INPP5F: variants seen among roughly 807,000 people sequenced by gnomAD.
INPP5F encodes phosphatidylinositide 4-phosphatase SAC2.
A neutral mutation model predicts 137.2 loss-of-function variants in INPP5F; 97 were observed. That is an observed-to-expected ratio of 0.71 (90% CI 0.60 to 0.84). The LOEUF (loss-of-function observed/expected upper bound fraction) is 0.84. Among genes scored for constraint, INPP5F ranks in the 40% least tolerant of loss-of-function variants. The probability of loss-of-function intolerance (pLI) is 0.00; values close to 1 mark genes in which losing one functional copy is unlikely to be tolerated. For synonymous variants in INPP5F, 504 were observed against 476.9 expected, an observed-to-expected ratio of 1.06 and a Z score of -0.74; for missense variants, 1,271 against 1,371.9, an observed-to-expected ratio of 0.93 and a Z score of 1.16.
At chr10:119,819,313 G>T (rs1283665316) in intron 15 of INPP5F, 6 of 485,536 alleles carry the variant, frequency 1.2e-5, no homozygotes, top group South Asian at 1.7e-4. Flanking sequence ...AATTGGGGGT[G>T]GGGGGAGGGT....
chr10:119,776,552 A>G (rs1849528467), intron 2 of INPP5F, among the ~76,000 whole-genome samples: 1 of 152,108 alleles, frequency 6.6e-6, no homozygotes, highest in Non-Finnish European at 1.5e-5. Flanking sequence ...TTGATAATGT[A>G]CATTGTATTT....
At chr10:119,801,429 T>TAC (rs1443148070) in intron 9 of INPP5F, among the ~76,000 whole-genome samples, 3 of 152,210 alleles carry the variant, frequency 2.0e-5, no homozygotes, top group Non-Finnish European at 4.4e-5. Context: ...TAACAGGAGT[T>TAC]ACCTCCAGGG....
At chr10:119,736,106 T>C (rs1327786579) in intron 1 of INPP5F, among the ~76,000 whole-genome samples, 1 of 152,224 alleles carries the variant, frequency 6.6e-6, no homozygotes, top group Non-Finnish European at 1.5e-5. Context: ...ATCTTGTTTT[T>C]GAAAGTGATA....
chr10:119,751,781 G>A (rs997546993), intron 2 of INPP5F, among the ~76,000 whole-genome samples: 1 of 151,994 alleles, frequency 6.6e-6, no homozygotes, highest in African/African-American at 2.4e-5. Context: ...TTTCTTTTTT[G>A]GTGCCTTACC....
At chr10:119,771,636 T>C (rs1348175038) in intron 2 of INPP5F, among the ~76,000 whole-genome samples, 3 of 151,674 alleles carry the variant, frequency 2.0e-5, no homozygotes, top group Non-Finnish European at 4.4e-5. Context: ...CCTTCCCAAG[T>C]GTATAGACTA....
chr10:119,732,238 C>T (rs1332965726), intron 1 of INPP5F, among the ~76,000 whole-genome samples: 1 of 151,348 alleles, frequency 6.6e-6, no homozygotes, highest in Non-Finnish European at 1.5e-5. Context: ...GGTTTCGCCA[C>T]GTTGGCCACG....
intron 1 of INPP5F, among the ~76,000 whole-genome samples, chr10:119,742,276 T>C (rs1313892898): frequency 6.6e-6 from 1 of 152,138 alleles, no homozygotes; most frequent in Non-Finnish European, 1.5e-5. Context: ...TACTTTAGTT[T>C]CCCGAGTAGC....
intron 15 of INPP5F, chr10:119,819,514 C>T (rs1419271334): frequency 2.5e-6 from 4 of 1,604,112 alleles, no homozygotes; most frequent in South Asian, 1.1e-5. Flanking sequence ...TATGGCTTGG[C>T]TCAAGCAACA....
chr10:119,767,107 GAAAAAAAAAAAAAA>G (rs35875262), intron 2 of INPP5F, among the ~76,000 whole-genome samples: 1 of 40,540 alleles, frequency 2.5e-5, no homozygotes, highest in Admixed American at 4.4e-4. Context: ...TCTGTCTCCA[GAAAAAAAAAAAAAA>G]AAAAAAAAAA....
chr10:119,795,489 G>T (rs1193552126), intron 6 of INPP5F, among the ~76,000 whole-genome samples: 1 of 151,742 alleles, frequency 6.6e-6, no homozygotes, highest in African/African-American at 2.4e-5. Flanking sequence ...GGGCGGCCGG[G>T]CAGAGACGCT....
At chr10:119,770,475 TTGTTTTAATTC>T (rs1470627950) in intron 2 of INPP5F, among the ~76,000 whole-genome samples, 1 of 152,234 alleles carries the variant, frequency 6.6e-6, no homozygotes, top group East Asian at 1.9e-4. Flanking sequence ...TACATTTGTC[TTGTTTTAATTC>T]TAAGTATAAA....
chr10:119,785,858 C>G (rs1849891155), intron 3 of INPP5F, among the ~76,000 whole-genome samples: 1 of 151,798 alleles, frequency 6.6e-6, no homozygotes, highest in African/African-American at 2.4e-5. Flanking sequence ...GACCCTGTCT[C>G]TAAAAAAGAA....
intron 3 of INPP5F, among the ~76,000 whole-genome samples, chr10:119,788,995 G>A (rs1171353579): frequency 6.6e-6 from 1 of 152,168 alleles, no homozygotes; most frequent in Non-Finnish European, 1.5e-5. Context: ...GGAGGCCGAG[G>A]CGGGCAGATC....
At chr10:119,819,800 GTC>G (rs1430443701) in intron 15 of INPP5F, 1 of 311,240 alleles carries the variant, frequency 3.2e-6, no homozygotes, top group East Asian at 5.4e-5. Context: ...ACAACGAGGT[GTC>G]TCTGATGTAA....
At chr10:119,736,642 T>G (rs1848224013) in intron 1 of INPP5F, among the ~76,000 whole-genome samples, 1 of 152,222 alleles carries the variant, frequency 6.6e-6, no homozygotes, top group South Asian at 2.1e-4. Flanking sequence ...TCTGTTCCTT[T>G]TTGAGTTGCT....
chr10:119,770,614 T>C (rs766566895), intron 2 of INPP5F, among the ~76,000 whole-genome samples: 2 of 152,018 alleles, frequency 1.3e-5, no homozygotes, highest in Non-Finnish European at 2.9e-5. Context: ...ATTACAGGAG[T>C]AGAGATTGCT....
At chr10:119,806,029 A>G (rs1373663699) in intron 11 of INPP5F, among the ~76,000 whole-genome samples, 1 of 152,188 alleles carries the variant, frequency 6.6e-6, no homozygotes, top group Non-Finnish European at 1.5e-5. Flanking sequence ...TAAAGGAACA[A>G]CGGTGTTTTA....
intron 1 of INPP5F, among the ~76,000 whole-genome samples, chr10:119,742,640 A>G (rs1848409448): frequency 1.3e-5 from 2 of 152,336 alleles, no homozygotes; most frequent in African/African-American, 4.8e-5. Flanking sequence ...AAAGCCCCAT[A>G]CAAACATGAG....
chr10:119,795,159 C>T (rs1374767508), intron 6 of INPP5F, among the ~76,000 whole-genome samples: 2 of 143,340 alleles, frequency 1.4e-5, no homozygotes, highest in Non-Finnish European at 3.1e-5. Flanking sequence ...CCAGACGGGG[C>T]GGCTGGCCGG....
Sources: allele counts gnomAD v4.1 joint callset (sites outside exome capture counted in the v4.1 genomes callset), GRCh38; gene constraint gnomAD v4.1.1; transcripts MANE v1.5; gene names NCBI Gene and HGNC (gene_info 2026-07-23, HGNC 2026-07-21).